Variants in DOK6 observed in about 807,000 individuals in gnomAD.
DOK6 encodes docking protein 6, also known as downstream of tyrosine kinase 6.
Under a neutral mutation model 44.0 loss-of-function variants are expected in DOK6, and 22 were observed. That is an observed-to-expected ratio of 0.50 (90% confidence interval 0.36 to 0.71). DOK6 has a LOEUF of 0.71. Among genes scored for constraint, DOK6 ranks in the 30% least tolerant of loss-of-function variants. DOK6 has a pLI of 0.00. For missense variants in DOK6, 340 were observed against 416.4 expected (o/e 0.82, Z 1.60); for synonymous variants, 166 against 145.5 (o/e 1.14, Z -1.01).
chr18:69,585,263 T>A (rs1263250548), intron 2 of DOK6, among the ~76,000 whole-genome samples: 18 of 151,874 alleles, frequency 1.2e-4, no homozygotes, highest in Admixed American at 1.2e-3. Flanking sequence ...TCATGTTTTT[T>A]AGAAATCTGC....
chr18:69,597,863 G>T (rs1034367058), intron 2 of DOK6, among the ~76,000 whole-genome samples: 1 of 152,144 alleles, frequency 6.6e-6, no homozygotes, highest in Non-Finnish European at 1.5e-5. Context: ...TTTATGTTGG[G>T]GTTGTAAATA....
chr18:69,554,543 T>C (rs1234205404), intron 1 of DOK6, among the ~76,000 whole-genome samples: 1 of 152,254 alleles, frequency 6.6e-6, no homozygotes, highest in Admixed American at 6.5e-5. Context: ...TGCCTAGTAT[T>C]CAACTATATA....
intron 1 of DOK6, among the ~76,000 whole-genome samples, chr18:69,551,520 T>C (rs1455291743): frequency 6.6e-6 from 1 of 152,188 alleles, no homozygotes; most frequent in African/African-American, 2.4e-5. Context: ...GTCTATCAGA[T>C]ATTTGAAATA....
intron 3 of DOK6, among the ~76,000 whole-genome samples, chr18:69,656,712 G>A (rs1393595060): frequency 6.6e-6 from 1 of 152,142 alleles, no homozygotes; most frequent in African/African-American, 2.4e-5. Context: ...GTAAAAAAGA[G>A]GAAATTTGAT....
rs114914700 is a variant in DOK6 at position 69,427,154 on chromosome 18, G to A, written c.66+25844G>A. On this transcript the variant is annotated intron_variant, in intron 1 of 7. Coordinates refer to ENST00000382713, the MANE Select transcript of DOK6 (RefSeq NM_152721.6). ...GATCATGGCCTCCAGCTCCATCCAC[G>A]TCGCTGCAAAAGACATGTGCTGTCT... Among the ~76,000 whole-genome samples the A allele has an allele frequency of 4.8e-3, 736 of 152,030 alleles. 8 individuals carry two copies. Among genetic ancestry groups the A allele is most frequent in the African/African-American group, 0.017 (692 of 41,468 alleles).
chr18:69,424,427 C>G (rs1978579919), intron 1 of DOK6, among the ~76,000 whole-genome samples: 1 of 152,252 alleles, frequency 6.6e-6, no homozygotes, highest in Non-Finnish European at 1.5e-5. Context: ...TATTTCTTCA[C>G]GGCTATTGAT....
In DOK6 at chr18:69,736,954, G is replaced by A. The variant is rs553035598; in HGVS notation, c.600-2011G>A. On this transcript the variant is annotated intron_variant, in intron 5 of 7. Transcript: ENST00000382713. ...TCTGATGGTCTGGACAAGCTCCCAG[G>A]GAGGCAGATGCTACTGATCCGTGGA... 1.1e-3 allele frequency among the ~76,000 whole-genome samples: 162 copies of A among 152,262 alleles called. 1 individual carries two copies. The highest frequency in any genetic ancestry group is 2.1e-3 in the South Asian group (10 of 4,820).
Position 69,844,242 on chromosome 18 carries a change from A to T in DOK6, c.*2859A>T, listed in dbSNP as rs1182895649. ...AGGGAGGAATTACTATGAACCAAAG[A>T]TATCTTTTGGCTCCTTCTGAAAGTG... On this transcript the variant is annotated 3_prime_UTR_variant, in exon 8 of 8. Coordinates refer to ENST00000382713, the MANE Select transcript of DOK6 (RefSeq NM_152721.6). 1.3e-5 allele frequency: 2 copies of T among 152,202 alleles called. No individual in the cohort carries two copies. Among genetic ancestry groups the T allele is most frequent in the Non-Finnish European group, 2.9e-5 (2 of 68,038 alleles). The allele number at this position is 152,202 out of a possible 1,614,324, so 9.4% of individuals were successfully genotyped here.
At chr18:69,504,363 A>T (rs1981127292) in intron 1 of DOK6, among the ~76,000 whole-genome samples, 1 of 152,052 alleles carries the variant, frequency 6.6e-6, no homozygotes, top group Non-Finnish European at 1.5e-5. Context: ...CTTAAAAAAA[A>T]AGCACCAGCA....
intron 7 of DOK6, among the ~76,000 whole-genome samples, chr18:69,821,204 G>A (rs1981558670): frequency 6.6e-6 from 1 of 152,036 alleles, no homozygotes; most frequent in South Asian, 2.1e-4. Flanking sequence ...GAAAGTTACC[G>A]ATAGGACATA....
chr18:69,836,280 T>C (rs1210554446), intron 7 of DOK6, among the ~76,000 whole-genome samples: 1 of 152,212 alleles, frequency 6.6e-6, no homozygotes, highest in Admixed American at 6.5e-5. Flanking sequence ...GTGATACTCT[T>C]GAGTTCCTGG....
chr18:69,755,701 A>G (rs1262436177), intron 6 of DOK6, among the ~76,000 whole-genome samples: 1 of 152,222 alleles, frequency 6.6e-6, no homozygotes, highest in Non-Finnish European at 1.5e-5. Context: ...TAACGTGCAT[A>G]GCTCTACCTG....
intron 3 of DOK6, among the ~76,000 whole-genome samples, chr18:69,628,782 C>T (rs548355114): frequency 5.0e-4 from 76 of 152,228 alleles, no homozygotes; most frequent in Non-Finnish European, 2.6e-4. Flanking sequence ...CATTTGTTGG[C>T]TTGGGAATGC....
chr18:69,530,231 T>A (rs1981947317), intron 1 of DOK6, among the ~76,000 whole-genome samples: 1 of 152,188 alleles, frequency 6.6e-6, no homozygotes. Flanking sequence ...CCACACTATG[T>A]TGACTACTGG....
intron 1 of DOK6, among the ~76,000 whole-genome samples, chr18:69,559,007 G>C (rs1454513996): frequency 1.3e-5 from 2 of 151,926 alleles, no homozygotes; most frequent in Non-Finnish European, 2.9e-5. Flanking sequence ...TAACTTAAGG[G>C]CTTCAACTTG....
chr18:69,759,360 C>A (rs774176222), intron 7 of DOK6, among the ~76,000 whole-genome samples: 4 of 151,966 alleles, frequency 2.6e-5, no homozygotes, highest in Non-Finnish European at 2.9e-5. Context: ...TTTATTTAAA[C>A]ATATGTTTAA....
chr18:69,499,298 T>C (rs987447430), intron 1 of DOK6, among the ~76,000 whole-genome samples: 5 of 152,142 alleles, frequency 3.3e-5, no homozygotes, highest in Non-Finnish European at 7.4e-5. Context: ...TGTTTAGTTT[T>C]TAAAATAATT....
At chr18:69,607,458 A>T (rs1021329600) in intron 3 of DOK6, among the ~76,000 whole-genome samples, 3 of 152,246 alleles carry the variant, frequency 2.0e-5, no homozygotes, top group African/African-American at 7.2e-5. Context: ...AAGGAAAATA[A>T]CAAGTCTTAT....
At chr18:69,816,959 G>A (rs79467882) in intron 7 of DOK6, among the ~76,000 whole-genome samples, 3,349 of 152,294 alleles carry the variant, frequency 0.022, 68 homozygotes, top group Non-Finnish European at 0.036. Context: ...TCTGTATTTG[G>A]TGCTTCATGT....
Sources: allele counts gnomAD v4.1 joint callset (sites outside exome capture counted in the v4.1 genomes callset), GRCh38; gene constraint gnomAD v4.1.1; transcripts MANE v1.5; gene names NCBI Gene and HGNC (gene_info 2026-07-23, HGNC 2026-07-21).